The following ZNF529 variants were observed in gnomAD, a reference collection of about 807,000 sequenced individuals.
The protein encoded by ZNF529 is zinc finger protein 529.
A neutral mutation model predicts 10.1 loss-of-function variants in ZNF529; 11 were observed. The ratio of observed to expected loss-of-function variants is 1.09; its 90% CI spans 0.69 to 1.81. The LOEUF (loss-of-function observed/expected upper bound fraction) is 1.81, where lower values mean the gene tolerates loss of function less well. ZNF529 is among the 40% of genes most tolerant of loss of function. ZNF529 has a pLI of 0.00. For synonymous variants in ZNF529, 204 were observed against 215.7 expected, an observed-to-expected ratio of 0.95 and a Z score of 0.47; for missense variants, 624 against 666.8, an observed-to-expected ratio of 0.94 and a Z score of 0.71.
At chr19:36,579,682 A>G (rs1308276409) in intron 2 of ZNF529, among the ~76,000 whole-genome samples, 1 of 152,238 alleles carries the variant, frequency 6.6e-6, no homozygotes, top group African/African-American at 2.4e-5. Flanking sequence ...ATATTAAAAA[A>G]TGGCACACCG....
chr19:36,552,096 A>G (rs565604343), intron 4 of ZNF529: 5 of 152,288 alleles, frequency 3.3e-5, no homozygotes, highest in African/African-American at 9.6e-5. Flanking sequence ...AATTTCCTCC[A>G]AGTGCCAGGC....
At position 36,548,324 on chromosome 19, in the gene ZNF529, T is replaced by A; in HGVS notation, c.236-2A>T. Reference sequence around the variant, plus strand: ...TAGTCTCATTCCTGGACTCCAAATCTGAAAGAAAGGAAAAAATAATTTTCA... The same window carrying A: ...TAGTCTCATTCCTGGACTCCAAATCAGAAAGAAAGGAAAAAATAATTTTCA... On this transcript the variant is annotated splice_acceptor_variant, in intron 4 of 4. Coordinates refer to ENST00000591340, the MANE Select transcript of ZNF529 (RefSeq NM_020951.5). LOFTEE classifies it high-confidence loss of function. 6.6e-7 allele frequency: 1 copy of A among 1,513,734 alleles called. No homozygotes were observed. Among genetic ancestry groups the A allele is most frequent in the Non-Finnish European group, 8.8e-7 (1 of 1,131,394 alleles). 93.8% of individuals were successfully genotyped at this position (1,513,734 alleles called of 1,614,324 possible).
intron 1 of ZNF529, among the ~76,000 whole-genome samples, chr19:36,598,878 T>C (rs1212870983): frequency 6.6e-6 from 1 of 152,186 alleles, no homozygotes; most frequent in Non-Finnish European, 1.5e-5. Flanking sequence ...TTAACATGCT[T>C]TCTGAGGCCT....
intron 1 of ZNF529, among the ~76,000 whole-genome samples, chr19:36,597,360 C>T (rs534817917): frequency 6.6e-6 from 1 of 152,006 alleles, no homozygotes; most frequent in Admixed American, 6.6e-5. Flanking sequence ...TTTTATTATT[C>T]TAGTTTGCCA....
chr19:36,578,972 C>T (rs573683853), intron 2 of ZNF529, among the ~76,000 whole-genome samples: 219 of 150,758 alleles, frequency 1.5e-3, no homozygotes, highest in South Asian at 2.6e-3. Flanking sequence ...TTGGGGAGGC[C>T]GAGGCGGGTG....
At chr19:36,572,274 T>C in intron 2 of ZNF529, 59 bp downstream of exon 2, 2 of 1,544,530 alleles carry the variant, frequency 1.3e-6, no homozygotes, top group Non-Finnish European at 1.8e-6. Flanking sequence ...TACGGTCCTG[T>C]TGTTAATTGG....
chr19:36,582,434 G>C (rs1235284536), intron 2 of ZNF529: 1 of 152,040 alleles, frequency 6.6e-6, no homozygotes, highest in Non-Finnish European at 1.5e-5. Flanking sequence ...GGCTGGGCGC[G>C]GTGGCTCACG....
intron 1 of ZNF529, among the ~76,000 whole-genome samples, chr19:36,595,478 C>CT (rs2036820411): frequency 6.6e-6 from 1 of 152,086 alleles, no homozygotes; most frequent in Non-Finnish European, 1.5e-5. Context: ...GGTGGGAGGA[C>CT]TGAGGCCAAG....
In ZNF529 at chr19:36,547,835, G is replaced by A. The variant is rs1335392375; in HGVS notation, c.723C>T (p.Asp241=). 1 of 1,609,854 alleles carries A rather than the reference G, an allele frequency of 6.2e-7. No individual in the cohort carries two copies. The highest frequency in any genetic ancestry group is 8.5e-7 in the Non-Finnish European group (1 of 1,177,422). The change falls in exon 5 of 5, where the codon GAC becomes GAT. Residue 241 remains aspartate (D), a synonymous_variant. Coordinates refer to ENST00000591340, the MANE Select transcript of ZNF529 (RefSeq NM_020951.5). ...TATGAATTTTCTGGTATACATTAAA[G>A]TCTTTATAAAAACTACATGTATTCC... ...EYGNTCSFYK[D]FNVYQKIHNE... is the part of the protein sequence containing the mutation.
At chr19:36,575,750 T>C (rs2036300150), upstream of ZNF529, among the ~76,000 whole-genome samples, 1 of 152,172 alleles carries the variant, frequency 6.6e-6, no homozygotes, top group African/African-American at 2.4e-5. Context: ...CGCATAATGA[T>C]TAGGATTTAA....
chr19:36,554,026 G>GA (rs997194215), intron 4 of ZNF529, among the ~76,000 whole-genome samples: 7 of 151,752 alleles, frequency 4.6e-5, no homozygotes, highest in African/African-American at 1.5e-4. Flanking sequence ...TCCAAAATCT[G>GA]AAAAAAAATC....
intron 2 of ZNF529, among the ~76,000 whole-genome samples, chr19:36,563,217 C>T (rs1600286625): frequency 6.6e-6 from 1 of 151,974 alleles, no homozygotes; most frequent in African/African-American, 2.4e-5. Flanking sequence ...GTCAGGAGTT[C>T]GAGACCAGTC....
At chr19:36,572,232 GA>G (rs2036145608) in intron 2 of ZNF529, 100 bp downstream of exon 2, 2 of 1,252,610 alleles carry the variant, frequency 1.6e-6, no homozygotes, top group South Asian at 2.7e-5. Flanking sequence ...TGGGCATTTG[GA>G]AAGGCAATGG....
chr19:36,559,466 G>A (rs1312864267), intron 2 of ZNF529, among the ~76,000 whole-genome samples: 4 of 152,138 alleles, frequency 2.6e-5, no homozygotes, highest in Admixed American at 6.5e-5. Context: ...GTGGCACCAT[G>A]CCCAGCTAAG....
chr19:36,549,502 GC>G (rs2035180745), intron 4 of ZNF529, among the ~76,000 whole-genome samples: 1 of 151,996 alleles, frequency 6.6e-6, no homozygotes, highest in Non-Finnish European at 1.5e-5. Context: ...TAAGAATAAT[GC>G]CAGTTACCAA....
chr19:36,568,923 A>G (rs943752944), intron 2 of ZNF529, among the ~76,000 whole-genome samples: 2 of 152,222 alleles, frequency 1.3e-5, no homozygotes, highest in Non-Finnish European at 2.9e-5. Flanking sequence ...TCAGTATGCA[A>G]AACTCAATGA....
Position 36,546,373 on chromosome 19 carries a change from G to A in ZNF529, c.*493C>T, listed in dbSNP as rs537458013. ...AACAATTGGATGAAAATGGAAAGGA[G>A]ATCACACTTCTATCATTTAAAACAA... is the stretch of plus-strand genomic sequence containing the variant. On this transcript the variant is annotated 3_prime_UTR_variant, in exon 5 of 5. Coordinates refer to ENST00000591340, the MANE Select transcript of ZNF529 (RefSeq NM_020951.5). 2.9e-5 allele frequency: 4 copies of A among 136,324 alleles called. No individual in the cohort carries two copies. The South Asian group carries it at 9.5e-4, about 32-fold the overall frequency. 8.4% of individuals were successfully genotyped at this position (136,324 alleles called of 1,614,324 possible).
intron 1 of ZNF529, among the ~76,000 whole-genome samples, chr19:36,601,891 A>G (rs2036928473): frequency 6.6e-6 from 1 of 152,086 alleles, no homozygotes; most frequent in Non-Finnish European, 1.5e-5. Flanking sequence ...AATTAAGGAT[A>G]TTATATAGGA....
chr19:36,592,364 C>T (rs1043770174), intron 1 of ZNF529, among the ~76,000 whole-genome samples: 1 of 148,634 alleles, frequency 6.7e-6, no homozygotes, highest in Non-Finnish European at 1.5e-5. Context: ...GAGGCCAAGG[C>T]GGGCGGACTG....
Sources: gnomAD v4.1 joint callset for allele counts (sites outside exome capture counted in the v4.1 genomes callset) on GRCh38, gnomAD v4.1.1 for gene constraint, MANE v1.5 for transcripts, NCBI Gene and HGNC (gene_info 2026-07-23, HGNC 2026-07-21) for gene names.